The following IFNGR2 variants were observed in gnomAD, a reference collection of about 807,000 sequenced individuals.
The protein encoded by IFNGR2 is IFN-gamma receptor 2.
In IFNGR2, 15 loss-of-function variants were observed where a neutral mutation model predicts 41.1. The observed-to-expected ratio is 0.37, with a 90% CI of 0.24 to 0.56. The LOEUF is 0.56. IFNGR2 is among the 20% of genes least tolerant of loss of function. The pLI, the probability that IFNGR2 is intolerant of heterozygous loss-of-function variation, is 0.81. For synonymous variants in IFNGR2, 161 were observed against 171.6 expected (o/e 0.94, Z 0.48); for missense variants, 362 against 415.7 (o/e 0.87, Z 1.12).
chr21:33,408,375 T>C (rs1008090148), intron 1 of IFNGR2, among the ~76,000 whole-genome samples: 6 of 152,098 alleles, frequency 3.9e-5, no homozygotes, highest in Admixed American at 1.3e-4. Flanking sequence ...TTTGTATTTT[T>C]AGTAGAGACA....
intron 6 of IFNGR2, among the ~76,000 whole-genome samples, chr21:33,436,592 G>C (rs2083953601): frequency 6.6e-6 from 1 of 151,736 alleles, no homozygotes; most frequent in African/African-American, 2.4e-5. Flanking sequence ...CAAGGTGGTG[G>C]GCACCTGTAG....
At chr21:33,410,699 C>G (rs1447004233) in intron 1 of IFNGR2, 2 of 634,418 alleles carry the variant, frequency 3.2e-6, no homozygotes, top group African/African-American at 1.8e-5. Context: ...AACTCCCAAA[C>G]TCAGGTGATC....
intron 1 of IFNGR2, among the ~76,000 whole-genome samples, chr21:33,405,246 T>TA (rs1447890764): frequency 6.6e-6 from 1 of 152,248 alleles, no homozygotes; most frequent in Non-Finnish European, 1.5e-5. Context: ...CTCGAGAATT[T>TA]AGAAGATTCT....
chr21:33,428,139 C>G (rs768809363), intron 4 of IFNGR2, among the ~76,000 whole-genome samples: 1 of 151,938 alleles, frequency 6.6e-6, no homozygotes, highest in Non-Finnish European at 1.5e-5. Flanking sequence ...GCAGAGATGC[C>G]TAGCTTCAGA....
chr21:33,429,271 CTGTG>C (rs1040047887), intron 4 of IFNGR2, among the ~76,000 whole-genome samples: 2 of 152,074 alleles, frequency 1.3e-5, no homozygotes, highest in African/African-American at 4.8e-5. Flanking sequence ...AGCTGTGAGT[CTGTG>C]TGTTAGGGTC....
At chr21:33,405,025 G>A (rs773775064) in intron 1 of IFNGR2, among the ~76,000 whole-genome samples, 2 of 151,632 alleles carry the variant, frequency 1.3e-5, no homozygotes, top group South Asian at 4.2e-4. Context: ...AGGCCGAGGC[G>A]GGAGAATCAC....
intron 2 of IFNGR2, among the ~76,000 whole-genome samples, chr21:33,420,731 C>T (rs1387834214): frequency 2.6e-5 from 4 of 152,082 alleles, no homozygotes; most frequent in African/African-American, 7.2e-5. Flanking sequence ...TACAATTCAA[C>T]AATTAGAAGA....
chr21:33,404,848 C>G (rs1287404991), intron 1 of IFNGR2, among the ~76,000 whole-genome samples: 1 of 152,138 alleles, frequency 6.6e-6, no homozygotes, highest in East Asian at 1.9e-4. Flanking sequence ...CAAAAGAAAC[C>G]CAGGCTTGGT....
intron 6 of IFNGR2, among the ~76,000 whole-genome samples, chr21:33,435,266 G>A (rs1006888153): frequency 3.3e-5 from 5 of 152,172 alleles, no homozygotes; most frequent in Admixed American, 1.3e-4. Flanking sequence ...GTGCGCTGGT[G>A]CAAGGGGAGG....
chr21:33,414,384 CA>C (rs1415235815), intron 1 of IFNGR2, among the ~76,000 whole-genome samples: 1 of 152,198 alleles, frequency 6.6e-6, no homozygotes, highest in Non-Finnish European at 1.5e-5. Context: ...TGCACGTGTG[CA>C]CGTATTTGCG....
At position 33,436,902 on chromosome 21, in the gene IFNGR2, C is replaced by G; in HGVS notation, c.954C>G (p.Asp318Glu). ...KDSSPKDDVW[D>E]SVSIISFPEK... ...GCTCACCAAAGGATGACGTCTGGGACTCTGTGTCCATTATCTCGTTTCCGG... is the reference window on the plus strand; with the variant it reads ...GCTCACCAAAGGATGACGTCTGGGAGTCTGTGTCCATTATCTCGTTTCCGG... The change falls in exon 7 of 7, where the codon GAC becomes GAG. Residue 318 changes from aspartate (D) to glutamate (E), a missense_variant. Asp to Glu is a conservative substitution (Grantham distance 45). Transcript: ENST00000290219. The G allele has an allele frequency of 6.2e-7, 1 of 1,613,988 alleles. No homozygotes were observed. The highest frequency in any genetic ancestry group is 8.5e-7 in the Non-Finnish European group (1 of 1,179,864).
chr21:33,421,521 G>A lies in IFNGR2; in HGVS notation c.248G>A (p.Gly83Glu). Residue 83 changes from glycine to glutamate, a missense_variant, in exon 3 of 7, where the codon GGG becomes GAG. By Grantham distance (98) the Gly-to-Glu change is moderately conservative. Coordinates refer to ENST00000290219, the MANE Select transcript of IFNGR2 (RefSeq NM_005534.4). Reference sequence around the variant, plus strand: ...TTCACGGCCGACATCATGTCCATAGGGGTGAATTGTACACAGATCACAGCA... The same window carrying A: ...TTCACGGCCGACATCATGTCCATAGAGGTGAATTGTACACAGATCACAGCA... Reference protein sequence around the residue: ...KWFTADIMSIGVNCTQITATE... With the variant: ...KWFTADIMSIEVNCTQITATE... The A allele has an allele frequency of 6.2e-7, 1 of 1,613,978 alleles. No homozygotes were observed.
Position 33,432,335 on chromosome 21 carries a change from T to C in IFNGR2, c.720T>C (p.Asp240=). ...SNISCYETMA[D]ASTELQQVIL... ...TATCTTGCTACGAAACAATGGCAGA[T>C]GGTAAAATATACCTTCTTATGTCCT... Residue 240 remains aspartate, a splice_region_variant and synonymous_variant, in exon 5 of 7, where the codon GAT becomes GAC. Transcript: ENST00000290219. The C allele has an allele frequency of 1.2e-6, 2 of 1,611,956 alleles. No homozygotes were observed. The highest frequency in any genetic ancestry group is 2.2e-5 in the East Asian group (1 of 44,886).
At chr21:33,414,354 G>GTTTGTGTC (rs2083738648) in intron 1 of IFNGR2, among the ~76,000 whole-genome samples, 2 of 152,160 alleles carry the variant, frequency 1.3e-5, no homozygotes, top group Admixed American at 1.3e-4. Context: ...ATGTTTGTGT[G>GTTTGTGTC]TTTTTGCGTG....
chr21:33,407,418 G>A (rs1032437543), intron 1 of IFNGR2, among the ~76,000 whole-genome samples: 3 of 152,118 alleles, frequency 2.0e-5, no homozygotes, highest in Non-Finnish European at 2.9e-5. Flanking sequence ...CTTTATAAAC[G>A]ATCATGATAG....
chr21:33,411,421 CTA>C (rs1268894331), intron 1 of IFNGR2: 1 of 470,858 alleles, frequency 2.1e-6, no homozygotes, highest in Admixed American at 2.3e-5. Context: ...GAAGAAGAGA[CTA>C]TTCCTGTTGG....
intron 6 of IFNGR2, among the ~76,000 whole-genome samples, chr21:33,436,034 C>G (rs556939839): frequency 7.0e-4 from 107 of 152,168 alleles, no homozygotes; most frequent in African/African-American, 2.1e-3. Context: ...GCACTCCAGC[C>G]TGGGCGAAAA....
Position 33,403,590 on chromosome 21 carries a change from TCGCCGC to T in IFNGR2, c.57_62del (p.Ala21_Ala22del), listed in dbSNP as rs765468464. On this transcript the variant is annotated inframe_deletion, in exon 1 of 7. Transcript: ENST00000290219. ...TCGCTGCTGCTGCTGCTCGGAGTCT[TCGCCGC>T]CGCCGCCGCGGCCCCGCCAGGTGAG... 11 of 1,370,082 alleles carry T rather than the reference TCGCCGC, an allele frequency of 8.0e-6. No individual in the cohort carries two copies. In the East Asian group the frequency reaches 9.6e-5, roughly 12 times the overall value. 84.9% of individuals were successfully genotyped at this position (1,370,082 alleles called of 1,614,324 possible).
chr21:33,417,170 C>G (rs1041050110), intron 2 of IFNGR2, among the ~76,000 whole-genome samples: 4 of 152,040 alleles, frequency 2.6e-5, no homozygotes, highest in Non-Finnish European at 5.9e-5. Flanking sequence ...TGGCTCAATG[C>G]AGCCACAATT....
Sources: gnomAD v4.1 joint callset for allele counts (sites outside exome capture counted in the v4.1 genomes callset) on GRCh38, gnomAD v4.1.1 for gene constraint, MANE v1.5 for transcripts, NCBI Gene and HGNC (gene_info 2026-07-23, HGNC 2026-07-21) for gene names.